The following CSMD1 variants were observed in gnomAD, a reference collection of about 807,000 sequenced individuals.
The protein encoded by CSMD1 is CUB and Sushi multiple domains 1, also known as CUB and sushi domain-containing protein 1.
Under a neutral mutation model 417.5 loss-of-function variants are expected in CSMD1, and 213 were observed. The observed-to-expected ratio is 0.51, with a 90% CI of 0.46 to 0.57. CSMD1 has a LOEUF of 0.57. Ranked by LOEUF, CSMD1 falls within the 20% of genes least tolerant of loss-of-function variation. CSMD1 has a pLI of 0.00. For synonymous variants in CSMD1, 2,862 were observed against 1,736.8 expected, an observed-to-expected ratio of 1.65 and a Z score of -16.11; for missense variants, 6,923 against 4,529.7, an observed-to-expected ratio of 1.53 and a Z score of -15.17.
intron 4 of CSMD1, 79 bp downstream of exon 4, chr8:4,031,826 T>G (rs1251805495): frequency 6.3e-6 from 7 of 1,108,854 alleles, no homozygotes; most frequent in Non-Finnish European, 8.7e-6. Flanking sequence ...TTCATTTAAG[T>G]GGAAACTTTC....
chr8:4,315,803 C>A (rs1486445863), intron 3 of CSMD1, among the ~76,000 whole-genome samples: 6 of 151,786 alleles, frequency 4.0e-5, no homozygotes, highest in African/African-American at 1.2e-4. Context: ...GTAATTCAAA[C>A]TTTTTTTCTT....
At chr8:3,624,580 C>T (rs1796404360) in intron 7 of CSMD1, among the ~76,000 whole-genome samples, 1 of 152,132 alleles carries the variant, frequency 6.6e-6, no homozygotes, top group Non-Finnish European at 1.5e-5. Flanking sequence ...CCATTTAAGC[C>T]TTCAGAGAGG....
intron 5 of CSMD1, among the ~76,000 whole-genome samples, chr8:3,857,967 GTA>G (rs1255587269): frequency 5.3e-5 from 8 of 152,328 alleles, no homozygotes; most frequent in African/African-American, 1.9e-4. Context: ...TGACTTCTCT[GTA>G]TAAAATTGTT....
At chr8:4,060,819 T>C (rs975237396) in intron 3 of CSMD1, among the ~76,000 whole-genome samples, 3 of 152,116 alleles carry the variant, frequency 2.0e-5, no homozygotes, top group Non-Finnish European at 1.5e-5. Context: ...GGGCAAGGAC[T>C]AAAATCAGAA....
intron 4 of CSMD1, among the ~76,000 whole-genome samples, chr8:3,999,155 TCTTTC>T (rs1815461427): frequency 2.0e-5 from 3 of 151,972 alleles, no homozygotes; most frequent in Admixed American, 6.6e-5. Context: ...TTCTTCCTTT[TCTTTC>T]TTCTTTTTCT....
At chr8:3,969,752 A>G (rs1812951742) in intron 5 of CSMD1, among the ~76,000 whole-genome samples, 2 of 151,764 alleles carry the variant, frequency 1.3e-5, no homozygotes, top group South Asian at 4.2e-4. Context: ...CCACAGAGGA[A>G]TCATACATAT....
At chr8:4,795,133 C>A (rs1370271368) in intron 1 of CSMD1, among the ~76,000 whole-genome samples, 1 of 151,044 alleles carries the variant, frequency 6.6e-6, no homozygotes, top group Non-Finnish European at 1.5e-5. Context: ...CAACAGTAGA[C>A]AGAAACTGGT....
intron 5 of CSMD1, among the ~76,000 whole-genome samples, chr8:3,967,852 A>G (rs1030384255): frequency 2.0e-5 from 3 of 151,968 alleles, no homozygotes; most frequent in Non-Finnish European, 4.4e-5. Flanking sequence ...TGATGACAGC[A>G]TTTCCCTTGC....
At chr8:4,676,823 G>A (rs994606196) in intron 1 of CSMD1, among the ~76,000 whole-genome samples, 3 of 151,480 alleles carry the variant, frequency 2.0e-5, no homozygotes, top group African/African-American at 4.9e-5. Context: ...GGCTTTGAAT[G>A]TTTTGTTCTT....
chr8:4,357,320 T>C (rs1801487766), intron 3 of CSMD1, among the ~76,000 whole-genome samples: 1 of 152,212 alleles, frequency 6.6e-6, no homozygotes, highest in African/African-American at 2.4e-5. Flanking sequence ...CCTCCTGATA[T>C]CATGCCTGTT....
At chr8:4,186,174 T>C (rs1380820971) in intron 3 of CSMD1, among the ~76,000 whole-genome samples, 1 of 152,092 alleles carries the variant, frequency 6.6e-6, no homozygotes, top group Non-Finnish European at 1.5e-5. Flanking sequence ...GCAGTCAAGG[T>C]GCCCTGAATG....
chr8:3,910,050 G>A (rs1314074917), intron 5 of CSMD1, among the ~76,000 whole-genome samples: 2 of 152,188 alleles, frequency 1.3e-5, no homozygotes, highest in Middle Eastern at 3.4e-3. Flanking sequence ...TAAAACAGAG[G>A]CATCACTAGA....
chr8:3,327,589 A>G (rs1017652442), intron 23 of CSMD1, among the ~76,000 whole-genome samples: 1 of 152,172 alleles, frequency 6.6e-6, no homozygotes, highest in East Asian at 1.9e-4. Context: ...GTTGTACTCA[A>G]TAAGAATTCG....
At chr8:3,217,720 T>C (rs111699178) in intron 29 of CSMD1, among the ~76,000 whole-genome samples, 6 of 152,194 alleles carry the variant, frequency 3.9e-5, no homozygotes, top group African/African-American at 1.4e-4. Context: ...GTATAATTTT[T>C]AAAATTGTAC....
intron 7 of CSMD1, among the ~76,000 whole-genome samples, chr8:3,661,644 C>G (rs779515590): frequency 6.6e-6 from 1 of 152,074 alleles, no homozygotes; most frequent in East Asian, 1.9e-4. Flanking sequence ...TTACAGGTAT[C>G]CACCATCTCG....
chr8:4,930,441 A>G lies in CSMD1; in HGVS notation c.85+63891T>C, dbSNP rs189214788. On this transcript the variant is annotated intron_variant, in intron 1 of 69. Transcript: ENST00000635120. ...ATTTTGAGAAGTGGCGCTTAAAGAG[A>G]AATTTGACATACTGTTAGCTTATTA... Among the ~76,000 whole-genome samples, 79 of 152,096 alleles carry G rather than the reference A, an allele frequency of 5.2e-4. 2 individuals are homozygous for G. The East Asian group carries it at 0.013, about 25-fold the overall frequency.
intron 3 of CSMD1, among the ~76,000 whole-genome samples, chr8:4,033,828 A>G (rs1797481325): frequency 6.6e-6 from 1 of 152,192 alleles, no homozygotes; most frequent in Non-Finnish European, 1.5e-5. Flanking sequence ...ACTCCATTCC[A>G]CACTTATAGA....
At chr8:4,433,323 G>C (rs550040471) in intron 2 of CSMD1, among the ~76,000 whole-genome samples, 4 of 152,114 alleles carry the variant, frequency 2.6e-5, no homozygotes, top group African/African-American at 9.7e-5. Context: ...ACTGGTCCCT[G>C]GCACCAGAAA....
intron 3 of CSMD1, among the ~76,000 whole-genome samples, chr8:4,243,850 G>T (rs1802543378): frequency 6.6e-6 from 1 of 152,156 alleles, no homozygotes; most frequent in Non-Finnish European, 1.5e-5. Context: ...ACAGAGTAGG[G>T]ACTGTGTTAT....
Sources: allele counts gnomAD v4.1 joint callset (sites outside exome capture counted in the v4.1 genomes callset), GRCh38; gene constraint gnomAD v4.1.1; transcripts MANE v1.5; gene names NCBI Gene and HGNC (gene_info 2026-07-23, HGNC 2026-07-21).